Variants in TCF4 observed in about 807,000 individuals in gnomAD.
TCF4 encodes transcription factor 4, also known as SL3-3 enhancer factor 2.
Under a neutral mutation model 82.1 loss-of-function variants are expected in TCF4, and 3 were observed. The ratio of observed to expected loss-of-function variants is 0.04; its 90% CI spans 0.02 to 0.09. The LOEUF is 0.09. TCF4 is among the 10% of genes least tolerant of loss of function. The pLI is 1.00. For synonymous variants in TCF4, 276 were observed against 309.6 expected (o/e 0.89, Z 1.14); for missense variants, 518 against 852.7 (o/e 0.61, Z 4.89).
intron 6 of TCF4, among the ~76,000 whole-genome samples, chr18:55,394,082 CAT>C (rs1328382021): frequency 6.6e-6 from 1 of 152,200 alleles, no homozygotes; most frequent in South Asian, 2.1e-4. Flanking sequence ...TCCACACACA[CAT>C]GTTCTTTAAG....
At chr18:55,370,647 G>C (rs55844131) in intron 6 of TCF4, among the ~76,000 whole-genome samples, 5,220 of 152,092 alleles carry the variant, frequency 0.034, 289 homozygotes, top group African/African-American at 0.12. Flanking sequence ...TGTACATATA[G>C]TGCAAATGAC....
At chr18:55,264,663 A>G (rs2058734915) in intron 11 of TCF4, 1 of 150,742 alleles carries the variant, frequency 6.6e-6, no homozygotes, top group African/African-American at 2.4e-5. Context: ...TGTGGGTTTG[A>G]TGTAACAGGA....
intron 2 of TCF4, among the ~76,000 whole-genome samples, chr18:55,622,540 T>C (rs1233393607): frequency 2.0e-5 from 3 of 151,974 alleles, no homozygotes; most frequent in African/African-American, 7.2e-5. Flanking sequence ...CTGCTTTGTT[T>C]AGTTTATCAT....
chr18:55,534,525 TTAGGCTTCTGACCAC>T (rs72550585), intron 3 of TCF4, among the ~76,000 whole-genome samples: 20,784 of 152,228 alleles, frequency 0.14, 1,860 homozygotes, highest in Admixed American at 0.26. Flanking sequence ...AAGACAAAGC[TTAGGCTTCTGACCAC>T]TAGAATGTCC....
chr18:55,396,599 G>A (rs1451725914), intron 6 of TCF4, among the ~76,000 whole-genome samples: 2 of 152,122 alleles, frequency 1.3e-5, no homozygotes, highest in East Asian at 1.9e-4. Context: ...GAGAATCAGA[G>A]AAACACAGCT....
intron 8 of TCF4, among the ~76,000 whole-genome samples, chr18:55,292,798 A>T (rs1389943638): frequency 6.6e-6 from 1 of 151,034 alleles, no homozygotes; most frequent in Non-Finnish European, 1.5e-5. Flanking sequence ...GTATATACAC[A>T]TACACACATC....
chr18:55,616,009 A>T (rs1156259821), intron 2 of TCF4, among the ~76,000 whole-genome samples: 11 of 152,042 alleles, frequency 7.2e-5, no homozygotes, highest in Non-Finnish European at 1.2e-4. Context: ...CCCTCTAATT[A>T]AAGAAGTTTT....
intron 5 of TCF4, among the ~76,000 whole-genome samples, chr18:55,433,598 T>C (rs1236270420): frequency 6.6e-6 from 1 of 152,254 alleles, no homozygotes; most frequent in Non-Finnish European, 1.5e-5. Context: ...CCTCTGGTGA[T>C]ATGGACTGAG....
At chr18:55,401,769 C>T (rs578205911) in intron 6 of TCF4, 9 of 985,846 alleles carry the variant, frequency 9.1e-6, no homozygotes, top group Middle Eastern at 5.2e-4. Context: ...TGAGGAATCA[C>T]GCCAATTCCT....
At chr18:55,511,173 T>C (rs1357298298) in intron 3 of TCF4, among the ~76,000 whole-genome samples, 1 of 152,118 alleles carries the variant, frequency 6.6e-6, no homozygotes, top group Non-Finnish European at 1.5e-5. Context: ...TTAATATCAT[T>C]TTCAACACAC....
chr18:55,227,259 A>G lies in TCF4; in HGVS notation c.*776T>C, dbSNP rs1365633607. 6.6e-6 allele frequency: 1 copy of G among 152,076 alleles called. No individual in the cohort carries two copies. Among genetic ancestry groups the G allele is most frequent in the African/African-American group, 2.4e-5 (1 of 41,328 alleles). 9.4% of individuals were successfully genotyped at this position (152,076 alleles called of 1,614,324 possible). ...GACAGAAATAAGACCAAAAAAAAAA[A>G]AATCCATATTTACAGTAAAATCTTT... On this transcript the variant is annotated 3_prime_UTR_variant, in exon 20 of 20. Coordinates refer to ENST00000354452, the MANE Select transcript of TCF4 (RefSeq NM_001083962.2).
chr18:55,562,530 G>T (rs17598416), intron 3 of TCF4, among the ~76,000 whole-genome samples: 3,343 of 152,248 alleles, frequency 0.022, 82 homozygotes, highest in Admixed American at 0.068. Context: ...CAAGAAGTTA[G>T]TTCCCCTCAC....
At chr18:55,422,089 A>G (rs2094782699) in intron 5 of TCF4, 1 of 728,850 alleles carries the variant, frequency 1.4e-6, no homozygotes, top group African/African-American at 2.0e-5. Context: ...ATAGATTAAA[A>G]AGAAAAAGCA....
chr18:55,327,920 T>A (rs1266198191), intron 8 of TCF4, among the ~76,000 whole-genome samples: 1 of 152,192 alleles, frequency 6.6e-6, no homozygotes, highest in Non-Finnish European at 1.5e-5. Context: ...TTCCCCACTT[T>A]TCCACATATT....
chr18:55,452,855 C>T (rs1172951573), intron 5 of TCF4: 1 of 152,232 alleles, frequency 6.6e-6, no homozygotes, highest in Non-Finnish European at 1.5e-5. Context: ...CTCCATCTTC[C>T]TCTTTACAGT....
chr18:55,353,383 A>G lies in TCF4; in HGVS notation c.370-2380T>C, dbSNP rs138862256. Among the ~76,000 whole-genome samples the G allele has an allele frequency of 4.0e-3, 606 of 152,304 alleles. 33 individuals carry two copies. In the South Asian group the frequency reaches 0.11, roughly 27 times the overall value. On this transcript the variant is annotated intron_variant, in intron 6 of 19. Coordinates refer to ENST00000354452, the MANE Select transcript of TCF4 (RefSeq NM_001083962.2). ...CAAGGACTATGTGCAGTAACATAGC[A>G]CTAGGACCAGATAGCACTTACAAAC...
At chr18:55,293,060 A>C (rs1216684551) in intron 8 of TCF4, among the ~76,000 whole-genome samples, 1 of 152,150 alleles carries the variant, frequency 6.6e-6, no homozygotes, top group Non-Finnish European at 1.5e-5. Flanking sequence ...GTGACTGCTC[A>C]ACATTGTGAA....
chr18:55,480,276 C>CA (rs74180500), intron 3 of TCF4, among the ~76,000 whole-genome samples: 3,080 of 27,336 alleles, frequency 0.11, 379 homozygotes, highest in South Asian at 0.28. Flanking sequence ...GTAGGAACTC[C>CA]AAAAAAAAAA....
intron 3 of TCF4, among the ~76,000 whole-genome samples, chr18:55,518,739 TA>T (rs1028245842): frequency 6.6e-6 from 1 of 152,214 alleles, no homozygotes; most frequent in Non-Finnish European, 1.5e-5. Context: ...ACAGTGTTTT[TA>T]AAAAGTCATT....
Sources: gnomAD v4.1 joint callset for allele counts (sites outside exome capture counted in the v4.1 genomes callset) on GRCh38, gnomAD v4.1.1 for gene constraint, MANE v1.5 for transcripts, NCBI Gene and HGNC (gene_info 2026-07-23, HGNC 2026-07-21) for gene names.